The following TRPM3 variants were observed in gnomAD, a reference collection of about 807,000 sequenced individuals.
TRPM3 encodes long transient receptor potential channel 3.
TRPM3 carries 77 observed loss-of-function variants against 181.2 expected under a neutral mutation model. The ratio of observed to expected loss-of-function variants is 0.42; its 90% CI spans 0.35 to 0.51. The LOEUF is 0.51. Among genes scored for constraint, TRPM3 ranks in the 20% least tolerant of loss-of-function variants. The pLI is 0.01. For synonymous variants in TRPM3, 745 were observed against 796.4 expected (o/e 0.94, Z 1.09); for missense variants, 1,759 against 2,196.7 (o/e 0.80, Z 3.98).
intron 1 of TRPM3, among the ~76,000 whole-genome samples, chr9:71,396,410 G>C (rs75344618): frequency 6.6e-6 from 1 of 151,856 alleles, no homozygotes; most frequent in African/African-American, 2.4e-5. Context: ...AAGGTGACAC[G>C]ATTTGATCTA....
chr9:70,768,776 C>G (rs1405641975), intron 7 of TRPM3, among the ~76,000 whole-genome samples: 29 of 152,058 alleles, frequency 1.9e-4, no homozygotes, highest in Admixed American at 1.9e-3. Context: ...CTGGATACTA[C>G]TTTATTCCCC....
rs551361334 is a variant in TRPM3 at position 71,127,346 on chromosome 9, T to C, written c.184-262835A>G. Among the ~76,000 whole-genome samples the C allele has an allele frequency of 7.3e-5, 9 of 122,920 alleles. 1 individual carries two copies. The highest frequency in any genetic ancestry group is 1.2e-4 in the Non-Finnish European group (7 of 56,590). 80.6% of individuals were successfully genotyped at this position (122,920 alleles called of 152,430 possible). A position where few individuals can be genotyped will look rare whatever the true frequency, so the allele number is the denominator to read the frequency against. ...GAACTGATGTGAGTAATTTACTCTT[T>C]TTCACCCTGACTTCTAACAGAGGTG... is the stretch of plus-strand genomic sequence containing the variant. On this transcript the variant is annotated intron_variant, in intron 1 of 24. Transcript: ENST00000357533.
intron 8 of TRPM3, among the ~76,000 whole-genome samples, chr9:70,699,706 A>G (rs1260524821): frequency 6.6e-6 from 1 of 152,196 alleles, no homozygotes; most frequent in Non-Finnish European, 1.5e-5. Context: ...TTCTTGCTAA[A>G]GTAAAACACT....
At chr9:70,640,388 G>C (rs1056990891) in intron 10 of TRPM3, among the ~76,000 whole-genome samples, 172 bp downstream of exon 10, 1 of 152,124 alleles carries the variant, frequency 6.6e-6, no homozygotes. Context: ...CTAGATGGCG[G>C]TGCTTTCCTA....
At chr9:70,892,902 G>A (rs113632624) in intron 1 of TRPM3, among the ~76,000 whole-genome samples, 3,005 of 152,182 alleles carry the variant, frequency 0.02, 53 homozygotes, top group East Asian at 0.048. Context: ...CACATATCTA[G>A]GAAGGTCACT....
At chr9:71,060,150 C>T (rs1323697808) in intron 1 of TRPM3, among the ~76,000 whole-genome samples, 2 of 152,104 alleles carry the variant, frequency 1.3e-5, no homozygotes, top group Admixed American at 1.3e-4. Flanking sequence ...CAAGCAAGAG[C>T]TTGCTAATCA....
chr9:70,946,727 G>A (rs942303862), intron 1 of TRPM3, among the ~76,000 whole-genome samples: 3 of 151,984 alleles, frequency 2.0e-5, no homozygotes, highest in African/African-American at 7.3e-5. Flanking sequence ...TTCCAGTCAT[G>A]TAATGCCCCC....
At chr9:71,072,394 C>T (rs774082076) in intron 1 of TRPM3, among the ~76,000 whole-genome samples, 57 of 152,108 alleles carry the variant, frequency 3.7e-4, no homozygotes, top group Non-Finnish European at 5.4e-4. Context: ...TTCATCTCTT[C>T]GATAGTTAAC....
chr9:71,294,439 G>C (rs1378863374), intron 1 of TRPM3, among the ~76,000 whole-genome samples: 1 of 152,078 alleles, frequency 6.6e-6, no homozygotes, highest in Non-Finnish European at 1.5e-5. Context: ...ACACCTGCCA[G>C]ACTGGCAAAA....
chr9:70,840,785 A>C (rs543301223), intron 5 of TRPM3, among the ~76,000 whole-genome samples: 52 of 152,260 alleles, frequency 3.4e-4, no homozygotes, highest in Non-Finnish European at 6.5e-4. Flanking sequence ...CAAACAAAAT[A>C]ATACAAAGAG....
intron 1 of TRPM3, among the ~76,000 whole-genome samples, chr9:71,089,666 T>C (rs1296748837): frequency 6.6e-6 from 1 of 152,106 alleles, no homozygotes; most frequent in Non-Finnish European, 1.5e-5. Flanking sequence ...TAATATACTT[T>C]CCATTCAGTC....
intron 7 of TRPM3, among the ~76,000 whole-genome samples, chr9:70,777,304 A>C (rs1419492827): frequency 6.6e-6 from 1 of 152,132 alleles, no homozygotes; most frequent in African/African-American, 2.4e-5. Flanking sequence ...AGCAATTATA[A>C]AGCAAATTTA....
At chr9:71,064,008 G>A (rs2061618839) in intron 1 of TRPM3, among the ~76,000 whole-genome samples, 1 of 151,980 alleles carries the variant, frequency 6.6e-6, no homozygotes, top group Non-Finnish European at 1.5e-5. Context: ...TATATGATAG[G>A]CAACATGAGT....
chr9:71,157,037 T>A (rs1015237345), intron 1 of TRPM3, among the ~76,000 whole-genome samples: 4 of 152,120 alleles, frequency 2.6e-5, no homozygotes, highest in Non-Finnish European at 5.9e-5. Flanking sequence ...ATATAAATGC[T>A]CCACTTCTGC....
chr9:71,126,570 C>A (rs1260942714), upstream of TRPM3, among the ~76,000 whole-genome samples: 2 of 152,122 alleles, frequency 1.3e-5, no homozygotes, highest in African/African-American at 4.8e-5. Context: ...TATATGTTTT[C>A]AAACAGATTA....
intron 19 of TRPM3, among the ~76,000 whole-genome samples, chr9:70,608,179 C>T (rs1028973727): frequency 6.6e-6 from 1 of 152,208 alleles, no homozygotes; most frequent in African/African-American, 2.4e-5. Context: ...TCTTCCACCA[C>T]GTGGCCCTGC....
chr9:70,967,218 C>T (rs535825869), intron 1 of TRPM3, among the ~76,000 whole-genome samples: 10 of 151,994 alleles, frequency 6.6e-5, no homozygotes, highest in East Asian at 3.9e-4. Flanking sequence ...TTCTTAGAGA[C>T]GACTCTAAAG....
At chr9:71,286,415 A>G (rs1565423772) in intron 1 of TRPM3, among the ~76,000 whole-genome samples, 1 of 152,188 alleles carries the variant, frequency 6.6e-6, no homozygotes, top group Non-Finnish European at 1.5e-5. Context: ...TTCCATAGAG[A>G]GGGAAAATCT....
At chr9:71,203,511 T>C (rs1454267861) in intron 1 of TRPM3, among the ~76,000 whole-genome samples, 1 of 152,172 alleles carries the variant, frequency 6.6e-6, no homozygotes, top group Non-Finnish European at 1.5e-5. Context: ...AAAGGCCCAA[T>C]AGGGGATGGA....
Sources: allele counts gnomAD v4.1 joint callset (sites outside exome capture counted in the v4.1 genomes callset), GRCh38; gene constraint gnomAD v4.1.1; transcripts MANE v1.5; gene names NCBI Gene and HGNC (gene_info 2026-07-23, HGNC 2026-07-21).